SACS: variants seen among roughly 807,000 people sequenced by gnomAD.
SACS encodes sacsin.
Under a neutral mutation model 348.0 loss-of-function variants are expected in SACS, and 197 were observed. The ratio of observed to expected loss-of-function variants is 0.57; its 90% CI spans 0.50 to 0.64. The LOEUF (loss-of-function observed/expected upper bound fraction) is 0.64. Ranked by LOEUF, SACS falls within the 30% of genes least tolerant of loss-of-function variation. The pLI, the probability that SACS is intolerant of heterozygous loss-of-function variation, is 0.00. For synonymous variants in SACS, 1,985 were observed against 1,910.6 expected (o/e 1.04, Z -1.02); for missense variants, 4,999 against 5,360.8 (o/e 0.93, Z 2.11).
chr13:23,419,682 G>C (rs1036578453), intron 1 of SACS, among the ~76,000 whole-genome samples: 2 of 152,050 alleles, frequency 1.3e-5, no homozygotes, highest in Admixed American at 1.3e-4. Context: ...TCTTGCTCTC[G>C]GACTAGTTGA....
chr13:23,369,857 ACTT>A (rs1450408417), intron 4 of SACS, among the ~76,000 whole-genome samples: 14 of 129,030 alleles, frequency 1.1e-4, no homozygotes, highest in Non-Finnish European at 1.8e-4. Flanking sequence ...TCCCACTCAC[ACTT>A]CTTTTTTTTT....
At position 23,341,112 on chromosome 13, in the gene SACS, G is replaced by C. The variant is rs766404101; in HGVS notation, c.2764C>G (p.Gln922Glu). 2 of 1,613,446 alleles carry C rather than the reference G, an allele frequency of 1.2e-6. No homozygotes were observed. The highest frequency in any genetic ancestry group is 1.7e-6 in the Non-Finnish European group (2 of 1,179,958). The change falls in exon 10 of 10, where the codon CAA becomes GAA. Residue 922 changes from glutamine (Q) to glutamate (E), a missense_variant. Physicochemically the swap from Gln to Glu is conservative, Grantham distance 29 (BLOSUM62 2). Around this residue, in one of 6 missense-constraint regions of SACS, gnomAD observed 3,156 missense variants for 3,380.1 expected, o/e 0.93. Transcript: ENST00000382292. ...DSSEKEKRII[Q>E]ELAIFKRINH... is the part of the protein sequence containing the mutation. ...ATGCGCTTGAATATTGCCAATTCTT[G>C]AATAATTCTTTTCTCTTTCTCACTG... is the stretch of plus-strand genomic sequence containing the variant.
At position 23,411,170 on chromosome 13, in the gene SACS, C is replaced by G. The variant is rs571069805; in HGVS notation, c.20+50G>C. On this transcript the variant is annotated intron_variant, in intron 2 of 9. Transcript: ENST00000382292. ...TTTCATTTGGGAAAATCCAACAAGT[C>G]TTAAAATCCCAATGCAAATTATTGT... 1.2e-5 allele frequency: 19 copies of G among 1,527,942 alleles called. No individual in the cohort carries two copies. In the South Asian group the frequency reaches 2.1e-4, roughly 17 times the overall value. The allele number at this position is 1,527,942 out of a possible 1,614,324, so 94.6% of individuals were successfully genotyped here.
Position 23,411,547 on chromosome 13 carries a change from TC to T in SACS, c.-309del. Reference sequence around the variant, plus strand: ...TGGATTCGCTAAAGGTTTTTGGCTTTCCCCCAGAGCAAAATCAATTTATTTT... The same window carrying T: ...TGGATTCGCTAAAGGTTTTTGGCTTTCCCCAGAGCAAAATCAATTTATTTT... On this transcript the variant is annotated 5_prime_UTR_variant, in exon 2 of 10. Transcript: ENST00000382292. 2.9e-6 allele frequency: 1 copy of T among 340,024 alleles called. No homozygotes were observed. The highest frequency in any genetic ancestry group is 5.2e-6 in the Non-Finnish European group (1 of 190,660). The allele number at this position is 340,024 out of a possible 1,614,324, so 21.1% of individuals were successfully genotyped here.
Position 23,335,309 on chromosome 13 carries a change from C to G in SACS, c.8567G>C (p.Cys2856Ser). The G allele has an allele frequency of 6.2e-7, 1 of 1,613,890 alleles. No homozygotes were observed. Among genetic ancestry groups the G allele is most frequent in the Non-Finnish European group, 8.5e-7 (1 of 1,179,860 alleles). Residue 2856 changes from cysteine (C) to serine (S), a missense_variant, in exon 10 of 10, where the codon TGC (cysteine) becomes TCC (serine). By Grantham distance (112) the Cys-to-Ser change is moderately radical. Transcript: ENST00000382292. The surrounding 1 kb of genome is among the most constrained non-coding windows in gnomAD (Gnocchi z 4.7). Reference sequence around the variant, plus strand: ...GGGTTTTTTATAGTTGTGAGTAATGCAGGCAGCTACTCCACCACGTGGGAA... The same window carrying G: ...GGGTTTTTTATAGTTGTGAGTAATGGAGGCAGCTACTCCACCACGTGGGAA... ...TLFPRGGVAA[C>S]ITHNYKKPHR... is the part of the protein sequence containing the mutation.
chr13:23,407,113 C>T (rs1448318889), intron 2 of SACS, among the ~76,000 whole-genome samples: 1 of 152,244 alleles, frequency 6.6e-6, no homozygotes, highest in Non-Finnish European at 1.5e-5. Flanking sequence ...CCTCATTCTG[C>T]CACCCGAAGA....
intron 9 of SACS, among the ~76,000 whole-genome samples, chr13:23,351,141 G>A (rs970089319): frequency 6.6e-6 from 1 of 152,212 alleles, no homozygotes; most frequent in African/African-American, 2.4e-5. Context: ...GGAAAGGAAA[G>A]CAAGGTGTCA....
intron 8 of SACS, among the ~76,000 whole-genome samples, 166 bp from the exon 9 acceptor site, chr13:23,354,042 G>A (rs923447954): frequency 2.6e-5 from 4 of 152,072 alleles, no homozygotes; most frequent in African/African-American, 9.7e-5. Flanking sequence ...ATATTATCTA[G>A]ACTTTGCTTT....
chr13:23,369,836 T>A (rs536830447), intron 4 of SACS, among the ~76,000 whole-genome samples: 2 of 147,824 alleles, frequency 1.4e-5, no homozygotes, highest in Admixed American at 1.3e-4. Context: ...TGAGCCACCA[T>A]GCCCAGCCTA....
At chr13:23,388,056 A>G (rs557958513) in intron 2 of SACS, among the ~76,000 whole-genome samples, 1 of 152,340 alleles carries the variant, frequency 6.6e-6, no homozygotes, top group East Asian at 1.9e-4. Flanking sequence ...TAAAGAACTA[A>G]AAGTAGATCT....
At chr13:23,396,298 T>G (rs988904434) in intron 2 of SACS, among the ~76,000 whole-genome samples, 8 of 145,090 alleles carry the variant, frequency 5.5e-5, no homozygotes, top group Admixed American at 7.1e-5. Flanking sequence ...CATTCCAGCC[T>G]GGGCGACAGA....
chr13:23,356,223 C>T (rs1870380663), intron 7 of SACS, among the ~76,000 whole-genome samples: 2 of 152,174 alleles, frequency 1.3e-5, no homozygotes, highest in Non-Finnish European at 2.9e-5. Context: ...GGCATAGAGA[C>T]TTTGCATGAT....
intron 2 of SACS, among the ~76,000 whole-genome samples, chr13:23,379,773 A>G (rs1871964917): frequency 6.6e-6 from 1 of 152,164 alleles, no homozygotes; most frequent in African/African-American, 2.4e-5. Flanking sequence ...ATTTCAACAT[A>G]AAAGTGAGAG....
At chr13:23,410,007 A>C (rs959978269) in intron 2 of SACS, among the ~76,000 whole-genome samples, 6 of 152,216 alleles carry the variant, frequency 3.9e-5, no homozygotes, top group African/African-American at 1.2e-4. Flanking sequence ...ACCAATACAA[A>C]GAAGTCAGCT....
chr13:23,335,278 C>A lies in SACS; in HGVS notation c.8598G>T (p.Arg2866Ser), dbSNP rs1360085633. 3.7e-6 allele frequency: 6 copies of A among 1,613,802 alleles called. No individual in the cohort carries two copies. Among genetic ancestry groups the A allele is most frequent in the Non-Finnish European group, 4.2e-6 (5 of 1,179,850 alleles). ...AAGAAAGAGGCAAAAAACAGAAGGCCCTATGGGGTTTTTTATAGTTGTGAG... is the reference window on the plus strand; with the variant it reads ...AAGAAAGAGGCAAAAAACAGAAGGCACTATGGGGTTTTTTATAGTTGTGAG... Reference protein sequence around the residue: ...CITHNYKKPHRAFCFLPLSLE... With the variant: ...CITHNYKKPHSAFCFLPLSLE... The change falls in exon 10 of 10, where the codon AGG becomes AGT. Residue 2866 changes from arginine (R) to serine (S), a missense_variant. By Grantham distance (110) the Arg-to-Ser change is moderately radical. This residue lies in a region of SACS where 3,156 missense variants were observed against 3,380.1 expected (regional missense o/e 0.93). Coordinates refer to ENST00000382292, the MANE Select transcript of SACS (RefSeq NM_014363.6). The surrounding 1 kb of genome is among the most constrained non-coding windows in gnomAD (Gnocchi z 4.7).
At position 23,333,038 on chromosome 13, in the gene SACS, G is replaced by C. The variant is rs1165105256; in HGVS notation, c.10838C>G (p.Thr3613Arg). Residue 3613 changes from threonine (T) to arginine (R), a missense_variant, in exon 10 of 10, where the codon ACA (threonine) becomes AGA (arginine). Coordinates refer to ENST00000382292, the MANE Select transcript of SACS (RefSeq NM_014363.6). ...FAKEISVRAN[T>R]ENWSKETLQN... is the part of the protein sequence containing the mutation. Reference sequence around the variant, plus strand: ...CAATGTTTCTTTGGACCAGTTTTCTGTATTAGCCCTCACACTGATTTCCTT... The same window carrying C: ...CAATGTTTCTTTGGACCAGTTTTCTCTATTAGCCCTCACACTGATTTCCTT... 1.9e-6 allele frequency: 3 copies of C among 1,613,860 alleles called. No individual in the cohort carries two copies. The highest frequency in any genetic ancestry group is 2.5e-6 in the Non-Finnish European group (3 of 1,179,934).
chr13:23,329,742 C>T lies in SACS; in HGVS notation c.*394G>A, dbSNP rs956360764. The T allele has an allele frequency of 5.1e-5, 25 of 489,478 alleles. No homozygotes were observed. The highest frequency in any genetic ancestry group is 4.9e-4 in the African/African-American group (25 of 50,624). 30.3% of individuals were successfully genotyped at this position (489,478 alleles called of 1,614,324 possible). A position where few individuals can be genotyped will look rare whatever the true frequency, so the allele number is the denominator to read the frequency against. ...GACTTAATTCCCCTTATGTTTAAAC[C>T]AATTATATGTCCAGTGTTTCATTAG... On this transcript the variant is annotated 3_prime_UTR_variant, in exon 10 of 10. Coordinates refer to ENST00000382292, the MANE Select transcript of SACS (RefSeq NM_014363.6).
In SACS at chr13:23,330,049, C is replaced by G. The variant is rs1003420654; in HGVS notation, c.*87G>C. ...CTGCAATGTGCTTAACAATTCCTAG[C>G]TAATTGGCAATGAAGCTTAATGAAG... On this transcript the variant is annotated 3_prime_UTR_variant, in exon 10 of 10. Coordinates refer to ENST00000382292, the MANE Select transcript of SACS (RefSeq NM_014363.6). 6 of 1,193,356 alleles carry G rather than the reference C, an allele frequency of 5.0e-6. No individual in the cohort carries two copies. In the African/African-American group the frequency reaches 9.1e-5, roughly 18 times the overall value. 73.9% of individuals were successfully genotyped at this position (1,193,356 alleles called of 1,614,324 possible). A position where few individuals can be genotyped will look rare whatever the true frequency, so the allele number is the denominator to read the frequency against.
At chr13:23,386,925 G>A (rs906598557) in intron 2 of SACS, among the ~76,000 whole-genome samples, 4 of 152,088 alleles carry the variant, frequency 2.6e-5, no homozygotes, top group African/African-American at 9.7e-5. Context: ...ACCGTTTATC[G>A]ATTAAGTTTA....
Sources: gnomAD v4.1 joint callset for allele counts (sites outside exome capture counted in the v4.1 genomes callset) on GRCh38, gnomAD v4.1.1 for gene constraint, gnomAD v4.1.1 regional missense constraint, Gnocchi (gnomAD v3.1) non-coding constraint, MANE v1.5 for transcripts, NCBI Gene and HGNC (gene_info 2026-07-23, HGNC 2026-07-21) for gene names.